The following FILIP1 variants were observed in gnomAD, a reference collection of about 807,000 sequenced individuals.
FILIP1 encodes filamin A interacting protein 1.
In FILIP1, 61 loss-of-function variants were observed where a neutral mutation model predicts 102.1. The observed-to-expected ratio is 0.60, with a 90% CI of 0.49 to 0.74. The LOEUF (loss-of-function observed/expected upper bound fraction) is 0.74. FILIP1 is among the 30% of genes least tolerant of loss of function. The pLI, the probability that FILIP1 is intolerant of heterozygous loss-of-function variation, is 0.00. For missense variants in FILIP1, 1,314 were observed against 1,441.2 expected (o/e 0.91, Z 1.43); for synonymous variants, 491 against 526.9 (o/e 0.93, Z 0.93).
chr6:75,389,506 C>CT (rs1164660125), intron 2 of FILIP1, among the ~76,000 whole-genome samples: 5 of 151,828 alleles, frequency 3.3e-5, no homozygotes, highest in African/African-American at 9.7e-5. Flanking sequence ...TGGTTCTGGG[C>CT]TTTTTTTTGT....
At chr6:75,357,244 G>A (rs1775033504) in intron 3 of FILIP1, 1 of 152,222 alleles carries the variant, frequency 6.6e-6, no homozygotes, top group Non-Finnish European at 1.5e-5. Flanking sequence ...AAGGAATTCT[G>A]GAGAGGAAGG....
chr6:75,363,128 G>T, intron 2 of FILIP1: 12 of 400,696 alleles, frequency 3.0e-5, no homozygotes, highest in East Asian at 4.0e-5. Flanking sequence ...CAGGCAAGCA[G>T]AAAAAAGGAT....
At chr6:75,324,577 T>A (rs1199174014) in intron 4 of FILIP1, among the ~76,000 whole-genome samples, 1 of 152,108 alleles carries the variant, frequency 6.6e-6, no homozygotes, top group Non-Finnish European at 1.5e-5. Context: ...TTCACAGAAC[T>A]AGAAAAAACA....
intron 2 of FILIP1, among the ~76,000 whole-genome samples, chr6:75,374,905 G>A (rs1487546100): frequency 2.0e-5 from 3 of 152,068 alleles, no homozygotes; most frequent in Non-Finnish European, 2.9e-5. Flanking sequence ...CTCCTTTTCA[G>A]TTATCTCTAG....
In FILIP1 at chr6:75,480,506, C is replaced by T. The variant is rs760274524; in HGVS notation, c.-7+12908G>A. 3.9e-5 allele frequency among the ~76,000 whole-genome samples: 6 copies of T among 152,046 alleles called. No individual in the cohort carries two copies. In the South Asian group the frequency reaches 8.3e-4, roughly 21 times the overall value. On this transcript the variant is annotated intron_variant, in intron 1 of 5. Transcript: ENST00000237172. ...CACTCTCCCTTCAGCCTCCACTGCT[C>T]CTGGCTCAAAATTCATTTTAATATG...
intron 2 of FILIP1, among the ~76,000 whole-genome samples, chr6:75,401,419 T>C (rs567211579): frequency 1.1e-4 from 17 of 152,196 alleles, no homozygotes; most frequent in Non-Finnish European, 2.4e-4. Flanking sequence ...TTGGTGTTAA[T>C]TTTTCCTTCT....
chr6:75,308,686 T>C lies in FILIP1; in HGVS notation c.*5A>G. The C allele has an allele frequency of 1.2e-6, 2 of 1,612,636 alleles. No homozygotes were observed. Among genetic ancestry groups the C allele is most frequent in the South Asian group, 1.1e-5 (1 of 91,016 alleles). The stretch of plus-strand genomic sequence containing the variant: ...CTGCACAACATACCCCCTTAGCCAC[T>C]GCCCTCAGCCCTTCCCCCCTCCGAG... On this transcript the variant is annotated 3_prime_UTR_variant, in exon 6 of 6. Transcript: ENST00000237172.
chr6:75,440,959 A>T (rs912086576), intron 1 of FILIP1, among the ~76,000 whole-genome samples: 1 of 152,028 alleles, frequency 6.6e-6, no homozygotes, highest in Non-Finnish European at 1.5e-5. Flanking sequence ...AAAAAAAAAA[A>T]AAAGGTATGA....
intron 2 of FILIP1, among the ~76,000 whole-genome samples, chr6:75,380,282 C>T (rs762911411): frequency 4.0e-5 from 6 of 151,768 alleles, no homozygotes; most frequent in Non-Finnish European, 8.8e-5. Context: ...AAAGAGTTTA[C>T]ATATATCAGT....
At chr6:75,374,661 C>T (rs1160039353) in intron 2 of FILIP1, among the ~76,000 whole-genome samples, 1 of 152,082 alleles carries the variant, frequency 6.6e-6, no homozygotes, top group Non-Finnish European at 1.5e-5. Flanking sequence ...ATCACAGGCA[C>T]GAGTCACTGT....
intron 2 of FILIP1, among the ~76,000 whole-genome samples, chr6:75,386,859 T>A (rs1468251900): frequency 6.6e-6 from 1 of 152,192 alleles, no homozygotes; most frequent in Non-Finnish European, 1.5e-5. Flanking sequence ...TCTTTTTTAT[T>A]ATACTTTAAG....
At chr6:75,342,011 T>G (rs981420047) in intron 4 of FILIP1, among the ~76,000 whole-genome samples, 5 of 152,232 alleles carry the variant, frequency 3.3e-5, no homozygotes, top group African/African-American at 1.2e-4. Context: ...CATAAAATGC[T>G]ATGAGATAGG....
intron 2 of FILIP1, chr6:75,399,160 C>T (rs1776566987): frequency 1.3e-5 from 2 of 152,152 alleles, no homozygotes; most frequent in Non-Finnish European, 2.9e-5. Context: ...TTCTATTGTT[C>T]AGGTTGTTAA....
chr6:75,356,849 TC>T lies in FILIP1; in HGVS notation c.451-3133del, dbSNP rs761109033. On this transcript the variant is annotated intron_variant, in intron 3 of 5. Coordinates refer to ENST00000237172, the MANE Select transcript of FILIP1 (RefSeq NM_015687.5). Reference sequence around the variant, plus strand: ...CTCCATTCTCTATTACAAAATATTCTCCCCAAGAACTTTCCAAATTTCTACG... The same window carrying T: ...CTCCATTCTCTATTACAAAATATTCTCCCAAGAACTTTCCAAATTTCTACG... 9.8e-5 allele frequency among the ~76,000 whole-genome samples: 15 copies of T among 152,322 alleles called. No homozygotes were observed. In the East Asian group the frequency reaches 2.7e-3, roughly 27 times the overall value.
chr6:75,299,120 A>G (rs1387546994), intron 6 of FILIP1, among the ~76,000 whole-genome samples: 1 of 151,772 alleles, frequency 6.6e-6, no homozygotes. Flanking sequence ...GTCTTTTTGT[A>G]TATAGTACAA....
At chr6:75,328,912 T>C (rs1250750793) in intron 4 of FILIP1, among the ~76,000 whole-genome samples, 1 of 152,254 alleles carries the variant, frequency 6.6e-6, no homozygotes, top group Admixed American at 6.5e-5. Context: ...CTTTCACATC[T>C]GTCTGTGACT....
Position 75,406,110 on chromosome 6 carries a change from A to T in FILIP1, c.276+8587T>A, listed in dbSNP as rs150989861. On this transcript the variant is annotated intron_variant, in intron 2 of 5. Transcript: ENST00000237172. The stretch of plus-strand genomic sequence containing the variant: ...CTGACGGGGCCTTTCTGCTGATTTG[A>T]CTAACTGAACCTCTCTTCTTGATAC... Among the ~76,000 whole-genome samples, 297 of 152,240 alleles carry T rather than the reference A, an allele frequency of 2.0e-3. 1 individual carries two copies. Among genetic ancestry groups the T allele is most frequent in the African/African-American group, 6.7e-3 (280 of 41,546 alleles).
At position 75,423,727 on chromosome 6, in the gene FILIP1, C is replaced by T. The variant is rs150036098; in HGVS notation, c.-6-8749G>A. ...TTGGGCTATGAAGTTTTGCCTCATC[C>T]GCCATACTCACCTGACCTCTTGCCA... On this transcript the variant is annotated intron_variant, in intron 1 of 5. Coordinates refer to ENST00000237172, the MANE Select transcript of FILIP1 (RefSeq NM_015687.5). Among the ~76,000 whole-genome samples, 353 of 152,184 alleles carry T rather than the reference C, an allele frequency of 2.3e-3. 3 individuals carry two copies. Among genetic ancestry groups the T allele is most frequent in the African/African-American group, 7.6e-3 (316 of 41,534 alleles).
At chr6:75,444,032 T>C (rs546601877) in intron 1 of FILIP1, among the ~76,000 whole-genome samples, 2 of 152,164 alleles carry the variant, frequency 1.3e-5, no homozygotes, top group Non-Finnish European at 2.9e-5. Context: ...AAGTACTTAA[T>C]AAATAGAAGA....
Sources: allele counts gnomAD v4.1 joint callset (sites outside exome capture counted in the v4.1 genomes callset), GRCh38; gene constraint gnomAD v4.1.1; transcripts MANE v1.5; gene names NCBI Gene and HGNC (gene_info 2026-07-23, HGNC 2026-07-21).